LSAMP: variants seen among roughly 807,000 people sequenced by gnomAD.
LSAMP encodes the protein limbic system associated membrane protein, also known as limbic system-associated membrane protein.
A neutral mutation model predicts 38.6 loss-of-function variants in LSAMP; 7 were observed. That is an observed-to-expected ratio of 0.18 (90% CI 0.10 to 0.34). LSAMP has a LOEUF of 0.34. Ranked by LOEUF, LSAMP falls within the 10% of genes least tolerant of loss-of-function variation. The pLI is 1.00. For missense variants in LSAMP, 313 were observed against 420.0 expected, an observed-to-expected ratio of 0.75 and a Z score of 2.23; for synonymous variants, 154 against 166.8, an observed-to-expected ratio of 0.92 and a Z score of 0.59.
chr3:116,397,432 A>G (rs2048783625), intron 1 of LSAMP, among the ~76,000 whole-genome samples: 1 of 145,736 alleles, frequency 6.9e-6, no homozygotes. Context: ...TTTGAAAACC[A>G]TATCCCTTTT....
At chr3:116,318,787 A>T (rs187711006) in intron 1 of LSAMP, among the ~76,000 whole-genome samples, 2 of 152,338 alleles carry the variant, frequency 1.3e-5, no homozygotes, top group Admixed American at 1.3e-4. Flanking sequence ...AAGTTTTTGG[A>T]TGATAAAGCT....
chr3:115,967,888 C>T (rs970515288), intron 3 of LSAMP, among the ~76,000 whole-genome samples: 10 of 152,126 alleles, frequency 6.6e-5, no homozygotes, highest in African/African-American at 2.2e-4. Flanking sequence ...ATGGGAGCTA[C>T]AAGATGAGAT....
chr3:116,109,610 C>T (rs1046637634), intron 1 of LSAMP, among the ~76,000 whole-genome samples: 4 of 152,170 alleles, frequency 2.6e-5, no homozygotes, highest in African/African-American at 4.8e-5. Context: ...TTGAAAGTGC[C>T]GTTTTCTGGC....
chr3:116,396,164 C>T (rs2048764323), intron 1 of LSAMP, among the ~76,000 whole-genome samples: 1 of 152,090 alleles, frequency 6.6e-6, no homozygotes, highest in South Asian at 2.1e-4. Flanking sequence ...TTACTGAAAA[C>T]AATGCATTAA....
chr3:116,176,397 G>A (rs1175255465), intron 1 of LSAMP, among the ~76,000 whole-genome samples: 1 of 152,106 alleles, frequency 6.6e-6, no homozygotes, highest in Non-Finnish European at 1.5e-5. Flanking sequence ...AAGGACCATT[G>A]CCAAAGATTA....
intron 1 of LSAMP, among the ~76,000 whole-genome samples, chr3:116,254,726 T>C (rs1339505234): frequency 6.6e-6 from 1 of 152,194 alleles, no homozygotes. Flanking sequence ...GATTTGACTT[T>C]TCAGTTTTAC....
At chr3:116,097,970 G>C (rs1708260632) in intron 1 of LSAMP, among the ~76,000 whole-genome samples, 1 of 151,940 alleles carries the variant, frequency 6.6e-6, no homozygotes, top group African/African-American at 2.4e-5. Context: ...CTTGACCTCA[G>C]GTGATCCACC....
chr3:116,098,363 G>A (rs1222345002), intron 1 of LSAMP, among the ~76,000 whole-genome samples: 1 of 152,104 alleles, frequency 6.6e-6, no homozygotes, highest in Non-Finnish European at 1.5e-5. Context: ...GCCGGGCGTG[G>A]TGGCGCATGC....
At chr3:115,910,249 C>A (rs989660122) in intron 3 of LSAMP, among the ~76,000 whole-genome samples, 1 of 152,130 alleles carries the variant, frequency 6.6e-6, no homozygotes, top group African/African-American at 2.4e-5. Context: ...AAGTTTTTCA[C>A]CTGGGAAACA....
intron 1 of LSAMP, among the ~76,000 whole-genome samples, chr3:116,349,542 TATTCCTTCATA>T (rs1225690260): frequency 6.6e-6 from 1 of 150,564 alleles, no homozygotes; most frequent in African/African-American, 2.4e-5. Flanking sequence ...CACACTCACA[TATTCCTTCATA>T]ATTTTTTAGC....
At chr3:115,985,205 C>T (rs745518529) in intron 3 of LSAMP, among the ~76,000 whole-genome samples, 86 of 152,202 alleles carry the variant, frequency 5.7e-4, no homozygotes, top group Admixed American at 1.6e-3. Context: ...ATTGTGATAG[C>T]TATTATTAAA....
chr3:116,124,902 G>C (rs1208121865), intron 1 of LSAMP, among the ~76,000 whole-genome samples: 1 of 152,102 alleles, frequency 6.6e-6, no homozygotes, highest in Non-Finnish European at 1.5e-5. Flanking sequence ...TCTGATCTTT[G>C]CATAGTAAAT....
chr3:115,810,225 C>G lies in LSAMP; in HGVS notation c.*92G>C. 2 of 691,184 alleles carry G rather than the reference C, an allele frequency of 2.9e-6. No individual in the cohort carries two copies. Among genetic ancestry groups the G allele is most frequent in the Non-Finnish European group, 4.5e-6 (2 of 443,192 alleles). 42.8% of individuals were successfully genotyped at this position (691,184 alleles called of 1,614,324 possible). A position where few individuals can be genotyped will look rare whatever the true frequency, so the allele number is the denominator to read the frequency against. The stretch of plus-strand genomic sequence containing the variant: ...GTGAAATAAACGGTCTCCCCCATCT[C>G]TCTCTCTCTCTCTCTCTCTGTCTCT... On this transcript the variant is annotated 3_prime_UTR_variant, in exon 7 of 7. Coordinates refer to ENST00000490035, the MANE Select transcript of LSAMP (RefSeq NM_002338.5).
intron 3 of LSAMP, among the ~76,000 whole-genome samples, chr3:115,985,313 G>A (rs2107633686): frequency 6.6e-6 from 1 of 152,298 alleles, no homozygotes; most frequent in Middle Eastern, 3.4e-3. Flanking sequence ...AAAGTGAAAG[G>A]TTGGTGGCCA....
chr3:116,345,327 C>A (rs917534407), intron 1 of LSAMP, among the ~76,000 whole-genome samples: 2 of 152,136 alleles, frequency 1.3e-5, no homozygotes, highest in East Asian at 3.9e-4. Flanking sequence ...TATAAAGTAA[C>A]TTAATATTGT....
At chr3:116,218,143 G>T (rs889542391) in intron 1 of LSAMP, among the ~76,000 whole-genome samples, 4 of 151,960 alleles carry the variant, frequency 2.6e-5, no homozygotes, top group Non-Finnish European at 5.9e-5. Context: ...AGAAGGAGTG[G>T]GAGTTGTCCT....
intron 3 of LSAMP, among the ~76,000 whole-genome samples, chr3:115,953,341 T>C (rs1938352078): frequency 6.6e-6 from 1 of 151,428 alleles, no homozygotes; most frequent in Admixed American, 6.6e-5. Context: ...ATCAGACCAA[T>C]GTTAGTTAGC....
intron 6 of LSAMP, among the ~76,000 whole-genome samples, chr3:115,818,390 A>G (rs1279958271): frequency 6.6e-6 from 1 of 152,122 alleles, no homozygotes; most frequent in Non-Finnish European, 1.5e-5. Context: ...TTTATGGTAC[A>G]CAGGCTTCGT....
intron 1 of LSAMP, among the ~76,000 whole-genome samples, chr3:116,238,299 C>G (rs1026981906): frequency 6.6e-6 from 1 of 152,160 alleles, no homozygotes; most frequent in Non-Finnish European, 1.5e-5. Context: ...CTAACCTAAG[C>G]TGTTTTAGTC....
Sources: gnomAD v4.1 joint callset for allele counts (sites outside exome capture counted in the v4.1 genomes callset) on GRCh38, gnomAD v4.1.1 for gene constraint, MANE v1.5 for transcripts, NCBI Gene and HGNC (gene_info 2026-07-23, HGNC 2026-07-21) for gene names.